Variants in YWHAZ observed in about 807,000 individuals in gnomAD.
YWHAZ encodes the protein tyrosine 3-monooxygenase/tryptophan 5-monooxygenase activation protein zeta.
For missense variants in YWHAZ, 79 were observed against 284.8 expected (o/e 0.28, Z 5.20); for synonymous variants, 87 against 103.6 (o/e 0.84, Z 0.97).
rs770463110 is a variant in YWHAZ at position 100,924,114 on chromosome 8, C to T, written c.582+21G>A. ...AATAATAAAGACTGCTAAATTTCTA[C>T]GTAACAGGTAAAATACATACTGTCT... is the stretch of plus-strand genomic sequence containing the variant. On this transcript the variant is annotated intron_variant, in intron 4 of 5. Coordinates refer to ENST00000395958, the MANE Select transcript of YWHAZ (RefSeq NM_145690.3). This position sits in a 1 kb window ranked among gnomAD's most constrained non-coding sequence, Gnocchi z 5.7. The T allele has an allele frequency of 7.5e-6, 12 of 1,608,432 alleles. 1 individual carries two copies. The South Asian group carries it at 7.8e-5, about 10-fold the overall frequency.
intron 2 of YWHAZ, among the ~76,000 whole-genome samples, chr8:100,939,227 CT>C (rs944313740): frequency 4.5e-4 from 67 of 148,082 alleles, no homozygotes; most frequent in African/African-American, 7.9e-4. Context: ...TGTTCTAAAA[CT>C]TTTTTTTTTT....
chr8:100,930,283 G>A (rs1586106097), intron 2 of YWHAZ, among the ~76,000 whole-genome samples: 1 of 152,162 alleles, frequency 6.6e-6, no homozygotes, highest in Non-Finnish European at 1.5e-5. Context: ...ATTTTTAGTA[G>A]AGACAGGGTT....
chr8:100,945,069 A>C (rs1810163210), intron 2 of YWHAZ, among the ~76,000 whole-genome samples: 1 of 152,292 alleles, frequency 6.6e-6, no homozygotes, highest in Admixed American at 6.5e-5. Context: ...TCCCTCCCCA[A>C]CTACCAAGAG....
At chr8:100,933,804 T>C (rs1228668637) in intron 2 of YWHAZ, among the ~76,000 whole-genome samples, 2 of 152,092 alleles carry the variant, frequency 1.3e-5, no homozygotes, top group Admixed American at 1.3e-4. Flanking sequence ...GGCCAGGAGT[T>C]AGTGACCAGC....
chr8:100,937,848 C>T (rs1335023492), intron 2 of YWHAZ, among the ~76,000 whole-genome samples: 1 of 152,180 alleles, frequency 6.6e-6, no homozygotes, highest in Admixed American at 6.5e-5. Context: ...AAACAAAAAT[C>T]GGCCGGGTGC....
In YWHAZ at chr8:100,920,562, T is replaced by C. The variant is rs562545470; in HGVS notation, c.*131A>G. ...AAACATAAAAACCACATGGGAAATATAGAAATTCAAATAGAAGTAACATAA... is the reference window on the plus strand; with the variant it reads ...AAACATAAAAACCACATGGGAAATACAGAAATTCAAATAGAAGTAACATAA... On this transcript the variant is annotated 3_prime_UTR_variant, in exon 6 of 6. Transcript: ENST00000395958. The C allele has an allele frequency of 5.2e-5, 45 of 861,250 alleles. No homozygotes were observed. The highest frequency in any genetic ancestry group is 1.9e-4 in the South Asian group (12 of 63,158). 53.4% of individuals were successfully genotyped at this position (861,250 alleles called of 1,614,324 possible).
Position 100,922,389 on chromosome 8 carries a change from CT to C in YWHAZ, c.678+1565del, listed in dbSNP as rs5893539. ...AATCAAAACCCTGGTTTTTTCTTTTCTTTTTTTTTTTTTTTGAGACAGAGTC... is the reference window on the plus strand; with the variant it reads ...AATCAAAACCCTGGTTTTTTCTTTTCTTTTTTTTTTTTTTGAGACAGAGTC... On this transcript the variant is annotated intron_variant, in intron 5 of 5. Transcript: ENST00000395958. The surrounding 1 kb of genome is among the most constrained non-coding windows in gnomAD (Gnocchi z 4.1). 124,080 of 131,178 alleles carry C rather than the reference CT, an allele frequency of 0.95. 58,641 individuals are homozygous for C. Among genetic ancestry groups the C allele is most frequent in the East Asian group, 0.97 (4,501 of 4,644 alleles). 8.1% of individuals were successfully genotyped at this position (131,178 alleles called of 1,614,324 possible).
chr8:100,952,027 T>A, upstream of YWHAZ: 1 of 993,990 alleles, frequency 1.0e-6, no homozygotes, highest in Non-Finnish European at 1.2e-6. Context: ...TGTCCCTGGA[T>A]CTCGCTGCTC....
At position 100,921,756 on chromosome 8, in the gene YWHAZ, G is replaced by T. The variant is rs115363511; in HGVS notation, c.679-1004C>A. ...ACCAAATCTTTTAACAGGTAAAAAT[G>T]AAAGTTGTCCCATAGGTGGCAGGGT... is the stretch of plus-strand genomic sequence containing the variant. On this transcript the variant is annotated intron_variant, in intron 5 of 5. Transcript: ENST00000395958. 2.9e-3 allele frequency among the ~76,000 whole-genome samples: 435 copies of T among 152,300 alleles called. 1 individual carries two copies. Among genetic ancestry groups the T allele is most frequent in the African/African-American group, 1.0e-2 (414 of 41,568 alleles).
At chr8:100,938,406 A>C (rs1814351950) in intron 2 of YWHAZ, among the ~76,000 whole-genome samples, 1 of 152,132 alleles carries the variant, frequency 6.6e-6, no homozygotes, top group Non-Finnish European at 1.5e-5. Context: ...AAATTCAATG[A>C]CTCAATGAAA....
At position 100,924,434 on chromosome 8, in the gene YWHAZ, TC is replaced by T. The variant is rs1284206653; in HGVS notation, c.419-137del. 1.1e-6 allele frequency: 1 copy of T among 900,100 alleles called. No individual in the cohort carries two copies. The highest frequency in any genetic ancestry group is 1.6e-6 in the Non-Finnish European group (1 of 624,386). The allele number at this position is 900,100 out of a possible 1,614,324, so 55.8% of individuals were successfully genotyped here. On this transcript the variant is annotated intron_variant, in intron 3 of 5. Transcript: ENST00000395958. This position sits in a 1 kb window ranked among gnomAD's most constrained non-coding sequence, Gnocchi z 5.7. ...CTTAATATTTGTTAATTGAACAAGG[TC>T]CTTTTTTTTTTTTAAAGGGAGCTTT...
intron 1 of YWHAZ, 158 bp downstream of exon 1, chr8:100,951,771 G>C (rs1471669882): frequency 1.0e-6 from 1 of 985,182 alleles, no homozygotes; most frequent in African/African-American, 1.7e-5. Flanking sequence ...AGCGGAAGAG[G>C]AGCCGCCGCC....
chr8:100,945,458 A>C (rs1272120155), intron 2 of YWHAZ, among the ~76,000 whole-genome samples: 3 of 152,182 alleles, frequency 2.0e-5, no homozygotes, highest in Non-Finnish European at 4.4e-5. Context: ...TAATGCCACA[A>C]GCCAATACTA....
chr8:100,951,035 C>G, intron 1 of YWHAZ: 1 of 465,234 alleles, frequency 2.1e-6, no homozygotes, highest in Non-Finnish European at 2.8e-6. Context: ...ACTTGCAGCC[C>G]CCGTCCACAC....
At position 100,924,829 on chromosome 8, in the gene YWHAZ, A is replaced by G; in HGVS notation, c.418+87T>C. On this transcript the variant is annotated intron_variant, in intron 3 of 5. Transcript: ENST00000395958. This position sits in a 1 kb window ranked among gnomAD's most constrained non-coding sequence, Gnocchi z 5.7. ...CCTTATTCGGCACTCTAAGCAATTC[A>G]AAACAAGACATTATGTACGCTTCAG... 1 of 1,557,404 alleles carries G rather than the reference A, an allele frequency of 6.4e-7. No homozygotes were observed. Among genetic ancestry groups the G allele is most frequent in the Non-Finnish European group, 8.7e-7 (1 of 1,147,902 alleles).
intron 2 of YWHAZ, among the ~76,000 whole-genome samples, chr8:100,943,245 G>A (rs1586146159): frequency 6.6e-6 from 1 of 152,214 alleles, no homozygotes; most frequent in African/African-American, 2.4e-5. Context: ...TATTCTCTAT[G>A]TGGAACTGTC....
chr8:100,934,323 CTTT>C (rs11398423), intron 2 of YWHAZ, among the ~76,000 whole-genome samples: 1 of 144,690 alleles, frequency 6.9e-6, no homozygotes, highest in Non-Finnish European at 1.5e-5. Flanking sequence ...GAGACCCTAT[CTTT>C]TTTTTTTTTT....
chr8:100,941,810 CAAAA>C (rs58294305), intron 2 of YWHAZ, among the ~76,000 whole-genome samples: 1 of 113,576 alleles, frequency 8.8e-6, no homozygotes, highest in African/African-American at 2.8e-5. Flanking sequence ...CAAAAAACGA[CAAAA>C]AAAAAAAAAA....
At chr8:100,946,899 A>C (rs199964343) in intron 2 of YWHAZ, among the ~76,000 whole-genome samples, 5 of 149,668 alleles carry the variant, frequency 3.3e-5, no homozygotes, top group Non-Finnish European at 5.9e-5. Flanking sequence ...AAAAAAAAAC[A>C]AAAAAAACAA....
Sources: allele counts gnomAD v4.1 joint callset (sites outside exome capture counted in the v4.1 genomes callset), GRCh38; gene constraint gnomAD v4.1.1; non-coding constraint Gnocchi (gnomAD v3.1); transcripts MANE v1.5; gene names NCBI Gene and HGNC (gene_info 2026-07-23, HGNC 2026-07-21).